CFAP54: variants seen among roughly 807,000 people sequenced by gnomAD.
The protein encoded by CFAP54 is cilia and flagella associated protein 54, also known as cilia- and flagella-associated protein 54.
A neutral mutation model predicts 370.4 loss-of-function variants in CFAP54; 290 were observed. The observed-to-expected ratio is 0.78, with a 90% CI of 0.71 to 0.86. The LOEUF (loss-of-function observed/expected upper bound fraction) is 0.86. CFAP54 is among the 40% of genes least tolerant of loss of function. The pLI, the probability that CFAP54 is intolerant of heterozygous loss-of-function variation, is 0.00. For missense variants in CFAP54, 3,399 were observed against 3,528.7 expected (o/e 0.96, Z 0.93); for synonymous variants, 1,206 against 1,236.5 (o/e 0.98, Z 0.52).
At chr12:96,699,345 G>A (rs540998983) in intron 45 of CFAP54, among the ~76,000 whole-genome samples, 245 of 152,232 alleles carry the variant, frequency 1.6e-3, no homozygotes, top group African/African-American at 5.6e-3. Flanking sequence ...GTTCGCGTGA[G>A]ACAGCCTTAG....
intron 66 of CFAP54, among the ~76,000 whole-genome samples, chr12:96,854,413 T>C (rs1450981868): frequency 6.6e-6 from 1 of 151,364 alleles, no homozygotes; most frequent in Non-Finnish European, 1.5e-5. Flanking sequence ...CATATATTGC[T>C]GGTTGAAATG....
intron 50 of CFAP54, among the ~76,000 whole-genome samples, chr12:96,724,999 TA>T (rs1292027429): frequency 6.6e-6 from 1 of 152,198 alleles, no homozygotes; most frequent in Non-Finnish European, 1.5e-5. Flanking sequence ...TATGTGGCGT[TA>T]TTTCTGAGGG....
chr12:96,852,937 G>A (rs2136456128), intron 66 of CFAP54, among the ~76,000 whole-genome samples: 1 of 152,164 alleles, frequency 6.6e-6, no homozygotes. Context: ...AAACATACCG[G>A]AACAGCCACT....
Position 96,663,463 on chromosome 12 carries a change from T to C in CFAP54, c.5461-367T>C, listed in dbSNP as rs1957020040. The stretch of plus-strand genomic sequence containing the variant: ...AAAAACTTCACCAGGGAAAATAAAA[T>C]TGCATTAATTATAAGTAGGGTGGAA... On this transcript the variant is annotated intron_variant, in intron 38 of 67. Transcript: ENST00000524981. Among the ~76,000 whole-genome samples the C allele has an allele frequency of 2.7e-5, 4 of 148,456 alleles. No homozygotes were observed. The South Asian group carries it at 8.6e-4, about 32-fold the overall frequency.
chr12:96,773,501 A>G (rs1280125239), intron 60 of CFAP54, among the ~76,000 whole-genome samples: 2 of 152,228 alleles, frequency 1.3e-5, no homozygotes, highest in Non-Finnish European at 2.9e-5. Flanking sequence ...AATTTCTTCA[A>G]TATAGAAAAG....
At chr12:96,524,569 G>A (rs569268311) in intron 8 of CFAP54, among the ~76,000 whole-genome samples, 1 of 152,238 alleles carries the variant, frequency 6.6e-6, no homozygotes, top group Admixed American at 6.5e-5. Context: ...TGGGATAACG[G>A]GCAGAATTTG....
At chr12:96,613,402 G>C (rs543645237) in intron 26 of CFAP54, among the ~76,000 whole-genome samples, 41 of 152,116 alleles carry the variant, frequency 2.7e-4, no homozygotes, top group Admixed American at 2.0e-3. Context: ...CACTAAATGC[G>C]CACAAGAGAA....
At chr12:96,749,071 T>A (rs1958153708) in intron 55 of CFAP54, among the ~76,000 whole-genome samples, 1 of 152,218 alleles carries the variant, frequency 6.6e-6, no homozygotes, top group Admixed American at 6.5e-5. Flanking sequence ...CAGTAGTCTG[T>A]TTGACTGCTG....
intron 19 of CFAP54, among the ~76,000 whole-genome samples, chr12:96,567,361 A>G (rs1287653676): frequency 6.6e-6 from 1 of 152,198 alleles, no homozygotes; most frequent in Non-Finnish European, 1.5e-5. Context: ...TTTTGGATGG[A>G]CAGATGCTAT....
intron 44 of CFAP54, among the ~76,000 whole-genome samples, chr12:96,693,500 A>G (rs1392330046): frequency 6.6e-6 from 1 of 152,192 alleles, no homozygotes; most frequent in Non-Finnish European, 1.5e-5. Context: ...AATGGCATCT[A>G]CTGGGAACTG....
Position 96,507,119 on chromosome 12 carries a change from A to G in CFAP54, c.739+20A>G, listed in dbSNP as rs970644014. On this transcript the variant is annotated intron_variant, in intron 4 of 67. Coordinates refer to ENST00000524981, the MANE Select transcript of CFAP54 (RefSeq NM_001306084.2). ...TCAATGGTATATGCTGATGTATTTT[A>G]TTTTCCATTGTGTCTTTCAGAAAGT... 2 of 1,458,634 alleles carry G rather than the reference A, an allele frequency of 1.4e-6. No homozygotes were observed. The highest frequency in any genetic ancestry group is 2.9e-5 in the African/African-American group (2 of 69,986). The allele number at this position is 1,458,634 out of a possible 1,614,324, so 90.4% of individuals were successfully genotyped here.
In CFAP54 at chr12:96,685,083, C is replaced by T. The variant is rs114833393; in HGVS notation, c.5859C>T (p.Asp1953=). ...QALDDIFRKP[D]VLHTWKEFGP... is the part of the protein sequence containing the mutation. ...TTGATGACATATTCAGAAAACCAGA[C>T]GTGCTACACACGTGGAAAGAATTTG... is the stretch of plus-strand genomic sequence containing the variant. The change falls in exon 42 of 68, where the codon GAC becomes GAT. Residue 1953 remains aspartate (D), a synonymous_variant. Transcript: ENST00000524981. 290 of 1,614,060 alleles carry T rather than the reference C, an allele frequency of 1.8e-4. 1 individual carries two copies. The African/African-American group carries it at 3.3e-3, about 19-fold the overall frequency.
intron 50 of CFAP54, among the ~76,000 whole-genome samples, chr12:96,727,545 C>T (rs1428445191): frequency 6.7e-6 from 1 of 148,380 alleles, no homozygotes; most frequent in Non-Finnish European, 1.5e-5. Context: ...CTTCCTCCAT[C>T]CTTTTATTTT....
chr12:96,668,438 A>C (rs1957105448), intron 39 of CFAP54, among the ~76,000 whole-genome samples: 1 of 152,198 alleles, frequency 6.6e-6, no homozygotes, highest in African/African-American at 2.4e-5. Flanking sequence ...GGAGGAGCAA[A>C]GGCACATCTT....
chr12:96,667,315 C>T (rs1957092186), intron 39 of CFAP54, among the ~76,000 whole-genome samples: 1 of 152,202 alleles, frequency 6.6e-6, no homozygotes. Context: ...TGTGTGGGGG[C>T]TCCAACCCCA....
intron 32 of CFAP54, among the ~76,000 whole-genome samples, chr12:96,639,748 A>C (rs2136486092): frequency 6.6e-6 from 1 of 152,346 alleles, no homozygotes; most frequent in South Asian, 2.1e-4. Flanking sequence ...AGTGGGCTTC[A>C]TCCCTGGGAT....
chr12:96,760,658 G>C (rs142060086), intron 58 of CFAP54, among the ~76,000 whole-genome samples: 1 of 152,096 alleles, frequency 6.6e-6, no homozygotes, highest in African/African-American at 2.4e-5. Context: ...TCAGCTTCCC[G>C]AGTAGCTCGG....
chr12:96,825,701 A>ATAT lies in CFAP54; in HGVS notation c.9097-3312_9097-3310dup, dbSNP rs1555339864. Among the ~76,000 whole-genome samples the ATAT allele has an allele frequency of 7.3e-3, 902 of 124,372 alleles. 27 individuals carry two copies. In the East Asian group the frequency reaches 0.098, roughly 14 times the overall value. The allele number at this position is 124,372 out of a possible 152,430, so 81.6% of individuals were successfully genotyped here. A position where few individuals can be genotyped will look rare whatever the true frequency, so the allele number is the denominator to read the frequency against. On this transcript the variant is annotated intron_variant, in intron 65 of 67. Coordinates refer to ENST00000524981, the MANE Select transcript of CFAP54 (RefSeq NM_001306084.2). ...TATATAACATATCACGATATATATT[A>ATAT]TATATTAATTAGATTATATAATATA...
At position 96,766,872 on chromosome 12, in the gene CFAP54, A is replaced by G. The variant is rs575862302; in HGVS notation, c.8281+1654A>G. Among the ~76,000 whole-genome samples, 6 of 152,318 alleles carry G rather than the reference A, an allele frequency of 3.9e-5. No homozygotes were observed. The East Asian group carries it at 1.2e-3, about 29-fold the overall frequency. ...GATGGACCCTAAAACTCAGTGGCCT[A>G]CAACAACAGGAACTCATTCTTCCAC... On this transcript the variant is annotated intron_variant, in intron 60 of 67. Transcript: ENST00000524981.
Sources: gnomAD v4.1 joint callset for allele counts (sites outside exome capture counted in the v4.1 genomes callset) on GRCh38, gnomAD v4.1.1 for gene constraint, MANE v1.5 for transcripts, NCBI Gene and HGNC (gene_info 2026-07-23, HGNC 2026-07-21) for gene names.